The following R3HDM2 variants were observed in gnomAD, a reference collection of about 807,000 sequenced individuals.
The protein encoded by R3HDM2 is R3H domain-containing protein 2.
Under a neutral mutation model 124.5 loss-of-function variants are expected in R3HDM2, and 38 were observed. The ratio of observed to expected loss-of-function variants is 0.31; its 90% CI spans 0.24 to 0.40. The LOEUF (loss-of-function observed/expected upper bound fraction) is 0.40, where lower values mean the gene tolerates loss of function less well. R3HDM2 is among the 10% of genes least tolerant of loss of function. The pLI is 1.00. For synonymous variants in R3HDM2, 391 were observed against 448.0 expected, an observed-to-expected ratio of 0.87 and a Z score of 1.61; for missense variants, 869 against 1,236.9, an observed-to-expected ratio of 0.70 and a Z score of 4.46.
intron 2 of R3HDM2, among the ~76,000 whole-genome samples, chr12:57,343,016 T>C (rs1431625338): frequency 6.6e-6 from 1 of 152,026 alleles, no homozygotes; most frequent in Non-Finnish European, 1.5e-5. Context: ...GGCATCTTAC[T>C]GACAGAACTG....
intron 2 of R3HDM2, among the ~76,000 whole-genome samples, chr12:57,392,926 T>C (rs1408636279): frequency 6.7e-6 from 1 of 149,344 alleles, no homozygotes; most frequent in Non-Finnish European, 1.5e-5. Flanking sequence ...TGCCTCAGTC[T>C]CCGGAGTAGC....
chr12:57,391,674 T>C (rs2066699908), intron 2 of R3HDM2, among the ~76,000 whole-genome samples: 1 of 152,246 alleles, frequency 6.6e-6, no homozygotes, highest in Non-Finnish European at 1.5e-5. Context: ...TTATGTGATG[T>C]TACCAATGGA....
chr12:57,351,233 C>A (rs2060645639), intron 2 of R3HDM2, among the ~76,000 whole-genome samples: 1 of 152,180 alleles, frequency 6.6e-6, no homozygotes, highest in Admixed American at 6.5e-5. Flanking sequence ...CACCACTGTA[C>A]TCTAGCCTAG....
intron 2 of R3HDM2, among the ~76,000 whole-genome samples, chr12:57,345,877 G>A (rs991799219): frequency 6.6e-6 from 1 of 152,086 alleles, no homozygotes; most frequent in Non-Finnish European, 1.5e-5. Context: ...AGGAGAATGA[G>A]GGCTGGGTGC....
At position 57,394,269 on chromosome 12, in the gene R3HDM2, C is replaced by G. The variant is rs953258564; in HGVS notation, c.-36+1480G>C. Among the ~76,000 whole-genome samples, 11 of 151,766 alleles carry G rather than the reference C, an allele frequency of 7.2e-5. No individual in the cohort carries two copies. The East Asian group carries it at 1.9e-3, about 27-fold the overall frequency. On this transcript the variant is annotated intron_variant, in intron 2 of 23. Transcript: ENST00000402412. ...CCGAGATCGCGCCACTGCACTCCAGCCTGGGTGACAGAGCAAGAGCCTGTC... is the reference window on the plus strand; with the variant it reads ...CCGAGATCGCGCCACTGCACTCCAGGCTGGGTGACAGAGCAAGAGCCTGTC...
At chr12:57,305,012 T>A (rs1194617197) in intron 3 of R3HDM2, among the ~76,000 whole-genome samples, 4 of 152,058 alleles carry the variant, frequency 2.6e-5, no homozygotes, top group African/African-American at 9.7e-5. Flanking sequence ...GGCAAAACCC[T>A]GTCTCTACTA....
At chr12:57,292,294 T>C (rs1003198741) in intron 11 of R3HDM2, among the ~76,000 whole-genome samples, 2 of 152,184 alleles carry the variant, frequency 1.3e-5, no homozygotes, top group African/African-American at 2.4e-5. Flanking sequence ...CATTTCTATT[T>C]TCAGTCTAGG....
intron 2 of R3HDM2, among the ~76,000 whole-genome samples, chr12:57,350,242 T>C (rs1244031475): frequency 3.3e-5 from 5 of 151,712 alleles, no homozygotes; most frequent in African/African-American, 1.2e-4. Flanking sequence ...TAAAATAAAA[T>C]ACATTAAACT....
intron 4 of R3HDM2, among the ~76,000 whole-genome samples, chr12:57,300,823 G>C (rs1174396729): frequency 6.6e-6 from 1 of 152,170 alleles, no homozygotes; most frequent in Non-Finnish European, 1.5e-5. Context: ...TAAGAGAAAG[G>C]CCAAGCATGG....
intron 14 of R3HDM2, 94 bp from the exon 15 acceptor site, chr12:57,270,088 CA>C: frequency 6.8e-7 from 1 of 1,463,676 alleles, no homozygotes; most frequent in Non-Finnish European, 9.4e-7. Flanking sequence ...ATGCTTTTTA[CA>C]ACCTTCTTTA....
At chr12:57,397,875 T>C (rs1387395329) in intron 1 of R3HDM2, among the ~76,000 whole-genome samples, 1 of 152,152 alleles carries the variant, frequency 6.6e-6, no homozygotes, top group Non-Finnish European at 1.5e-5. Flanking sequence ...ATTGTAATCA[T>C]ATCATAATTA....
chr12:57,334,308 T>C (rs969746093), intron 2 of R3HDM2, among the ~76,000 whole-genome samples: 3 of 152,230 alleles, frequency 2.0e-5, no homozygotes, highest in Non-Finnish European at 2.9e-5. Context: ...AGTTTCTATA[T>C]ACAGTTAGGG....
chr12:57,377,342 T>C (rs2064226299), intron 2 of R3HDM2, among the ~76,000 whole-genome samples: 1 of 151,974 alleles, frequency 6.6e-6, no homozygotes, highest in Non-Finnish European at 1.5e-5. Flanking sequence ...GCAACCAATA[T>C]AGCCAACTAG....
intron 10 of R3HDM2, 116 bp downstream of exon 10, chr12:57,295,283 A>C (rs1266926314): frequency 2.8e-6 from 2 of 717,416 alleles, no homozygotes; most frequent in African/African-American, 3.5e-5. Context: ...ATAGCTCAAT[A>C]CATTTCTCCG....
At chr12:57,302,534 C>T (rs2051440200) in intron 4 of R3HDM2, among the ~76,000 whole-genome samples, 3 of 150,576 alleles carry the variant, frequency 2.0e-5, no homozygotes, top group Non-Finnish European at 4.4e-5. Flanking sequence ...GGCATGGTGG[C>T]GGGCGCCTGT....
chr12:57,423,546 G>A (rs992081439), intron 1 of R3HDM2, among the ~76,000 whole-genome samples: 6 of 151,190 alleles, frequency 4.0e-5, no homozygotes, highest in African/African-American at 1.2e-4. Flanking sequence ...TGGGCCAGGC[G>A]TGGTGCCTCA....
At chr12:57,430,410 G>T in intron 1 of R3HDM2, 2 of 555,438 alleles carry the variant, frequency 3.6e-6, no homozygotes, top group Non-Finnish European at 4.6e-6. Flanking sequence ...AACACACGGA[G>T]CTAGCCACCC....
chr12:57,400,718 A>G (rs972776088), intron 1 of R3HDM2, among the ~76,000 whole-genome samples: 1 of 152,092 alleles, frequency 6.6e-6, no homozygotes, highest in Non-Finnish European at 1.5e-5. Flanking sequence ...ATACATATGT[A>G]TATTTCAGGT....
At chr12:57,430,422 G>T in intron 1 of R3HDM2, 1 of 692,688 alleles carries the variant, frequency 1.4e-6, no homozygotes, top group Non-Finnish European at 1.8e-6. Context: ...TAGCCACCCC[G>T]AAGCACTGGA....
Sources: gnomAD v4.1 joint callset for allele counts (sites outside exome capture counted in the v4.1 genomes callset) on GRCh38, gnomAD v4.1.1 for gene constraint, MANE v1.5 for transcripts, NCBI Gene and HGNC (gene_info 2026-07-23, HGNC 2026-07-21) for gene names.